CNTNAP2: variants seen among roughly 807,000 people sequenced by gnomAD.
The protein encoded by CNTNAP2 is contactin-associated protein-like 2.
A neutral mutation model predicts 155.2 loss-of-function variants in CNTNAP2; 98 were observed. The ratio of observed to expected loss-of-function variants is 0.63; its 90% CI spans 0.54 to 0.75. The LOEUF (loss-of-function observed/expected upper bound fraction) is 0.75. Ranked by LOEUF, CNTNAP2 falls within the 30% of genes least tolerant of loss-of-function variation. The probability of loss-of-function intolerance (pLI) is 0.00; values close to 1 mark genes in which losing one functional copy is unlikely to be tolerated. For missense variants in CNTNAP2, 1,727 were observed against 1,688.1 expected, an observed-to-expected ratio of 1.02 and a Z score of -0.40; for synonymous variants, 651 against 631.2, an observed-to-expected ratio of 1.03 and a Z score of -0.47.
At chr7:146,196,514 C>G (rs13438111) in intron 1 of CNTNAP2, among the ~76,000 whole-genome samples, 2,990 of 148,012 alleles carry the variant, frequency 0.02, 91 homozygotes, top group African/African-American at 0.069. Context: ...AAGCCCAAGA[C>G]TATAGGGAAA....
intron 1 of CNTNAP2, 44 bp downstream of exon 1, chr7:146,117,017 C>G (rs1185912443): frequency 2.0e-6 from 3 of 1,497,416 alleles, no homozygotes; most frequent in East Asian, 4.9e-5. Flanking sequence ...AGTTTCAGTG[C>G]GGCATTGATG....
chr7:147,517,433 G>A (rs533306822), intron 11 of CNTNAP2, among the ~76,000 whole-genome samples: 31 of 152,122 alleles, frequency 2.0e-4, no homozygotes, highest in Non-Finnish European at 3.5e-4. Context: ...AGAAACATCC[G>A]AACGTCAACT....
chr7:147,937,450 T>C (rs1800631381), intron 14 of CNTNAP2, among the ~76,000 whole-genome samples: 1 of 152,136 alleles, frequency 6.6e-6, no homozygotes, highest in Non-Finnish European at 1.5e-5. Flanking sequence ...GGGACACAAA[T>C]CATATCAATG....
At chr7:146,682,244 T>G (rs2129170073) in intron 1 of CNTNAP2, among the ~76,000 whole-genome samples, 1 of 152,202 alleles carries the variant, frequency 6.6e-6, no homozygotes, top group South Asian at 2.1e-4. Flanking sequence ...TATGTATATA[T>G]ATATATTTTT....
chr7:146,499,343 G>T lies in CNTNAP2; in HGVS notation c.98-274928G>T, dbSNP rs1021051461. Among the ~76,000 whole-genome samples the T allele has an allele frequency of 1.1e-4, 17 of 151,994 alleles. 1 individual carries two copies. The highest frequency in any genetic ancestry group is 4.1e-4 in the African/African-American group (17 of 41,386). On this transcript the variant is annotated intron_variant, in intron 1 of 23. Coordinates refer to ENST00000361727, the MANE Select transcript of CNTNAP2 (RefSeq NM_014141.6). ...GATAACAGGCATGCCACCACACCTGGCTGATTTTTGTATTTTTAGTACAGA... is the reference window on the plus strand; with the variant it reads ...GATAACAGGCATGCCACCACACCTGTCTGATTTTTGTATTTTTAGTACAGA...
At chr7:147,782,190 A>T (rs1374246505) in intron 13 of CNTNAP2, among the ~76,000 whole-genome samples, 2 of 152,202 alleles carry the variant, frequency 1.3e-5, no homozygotes, top group Admixed American at 1.3e-4. Flanking sequence ...ATAAATTACT[A>T]CGAAACATTT....
intron 2 of CNTNAP2, chr7:146,786,917 A>T (rs1802583580): frequency 1.3e-5 from 2 of 152,194 alleles, no homozygotes; most frequent in Non-Finnish European, 2.9e-5. Flanking sequence ...ATATGTCTGT[A>T]ACCACCACCT....
At chr7:146,259,138 CT>C (rs1272657949) in intron 1 of CNTNAP2, among the ~76,000 whole-genome samples, 3 of 152,168 alleles carry the variant, frequency 2.0e-5, no homozygotes, top group Admixed American at 1.3e-4. Context: ...TATCCTTCAC[CT>C]TTTACTGTGA....
chr7:146,302,179 G>T (rs1800623195), intron 1 of CNTNAP2, among the ~76,000 whole-genome samples: 1 of 152,106 alleles, frequency 6.6e-6, no homozygotes, highest in Non-Finnish European at 1.5e-5. Context: ...ACAATTTGTT[G>T]CTACATGACA....
At chr7:147,703,596 T>A in intron 13 of CNTNAP2, among the ~76,000 whole-genome samples, 1 of 152,218 alleles carries the variant, frequency 6.6e-6, no homozygotes, top group Admixed American at 6.5e-5. Flanking sequence ...AATAGCTGTA[T>A]GTATTTATGA....
intron 21 of CNTNAP2, among the ~76,000 whole-genome samples, chr7:148,355,272 C>G (rs923598231): frequency 6.8e-6 from 1 of 147,540 alleles, no homozygotes; most frequent in African/African-American, 2.5e-5. Flanking sequence ...AGCTCCGCCT[C>G]CCAGGTTCAC....
At chr7:146,164,706 T>G (rs1338622145) in intron 1 of CNTNAP2, among the ~76,000 whole-genome samples, 1 of 152,228 alleles carries the variant, frequency 6.6e-6, no homozygotes, top group Non-Finnish European at 1.5e-5. Context: ...ACATTGATTC[T>G]TTCTAATGAC....
At chr7:147,324,212 C>T (rs1269868141) in intron 9 of CNTNAP2, among the ~76,000 whole-genome samples, 1 of 152,068 alleles carries the variant, frequency 6.6e-6, no homozygotes, top group Non-Finnish European at 1.5e-5. Context: ...AGGAGCTACT[C>T]TTGATTTTGT....
chr7:147,689,357 C>G (rs1043353381), intron 13 of CNTNAP2, among the ~76,000 whole-genome samples: 2 of 151,964 alleles, frequency 1.3e-5, no homozygotes, highest in Non-Finnish European at 2.9e-5. Flanking sequence ...ACCAAGTTGG[C>G]CAGGCTTGTT....
intron 13 of CNTNAP2, among the ~76,000 whole-genome samples, chr7:147,769,367 G>C (rs544699733): frequency 2.0e-5 from 3 of 152,130 alleles, no homozygotes; most frequent in African/African-American, 7.2e-5. Flanking sequence ...CACCAGCAAG[G>C]TGTCTGGAAT....
chr7:146,163,328 T>G (rs996561170), intron 1 of CNTNAP2, among the ~76,000 whole-genome samples: 2 of 151,114 alleles, frequency 1.3e-5, no homozygotes, highest in African/African-American at 4.9e-5. Context: ...AATCCGAGCA[T>G]TTTGGGAGGT....
intron 21 of CNTNAP2, among the ~76,000 whole-genome samples, chr7:148,287,363 A>G (rs988365126): frequency 1.3e-5 from 2 of 152,238 alleles, no homozygotes; most frequent in African/African-American, 4.8e-5. Flanking sequence ...GGCAAAAGTC[A>G]ATAAACAAAA....
intron 15 of CNTNAP2, among the ~76,000 whole-genome samples, chr7:147,979,482 G>A (rs543285625): frequency 6.6e-6 from 1 of 152,252 alleles, no homozygotes; most frequent in South Asian, 2.1e-4. Context: ...GCATATAAAG[G>A]TAAAATATTT....
At chr7:146,535,931 C>A (rs1275796740) in intron 1 of CNTNAP2, among the ~76,000 whole-genome samples, 1 of 151,914 alleles carries the variant, frequency 6.6e-6, no homozygotes, top group Admixed American at 6.6e-5. Flanking sequence ...ATTATGCTTA[C>A]AAAGAAATGT....
Sources: allele counts gnomAD v4.1 joint callset (sites outside exome capture counted in the v4.1 genomes callset), GRCh38; gene constraint gnomAD v4.1.1; transcripts MANE v1.5; gene names NCBI Gene and HGNC (gene_info 2026-07-23, HGNC 2026-07-21).